Variants in CEBPZOS observed in about 807,000 individuals in gnomAD.
CEBPZOS encodes CEBPZ opposite strand, also known as protein CEBPZOS.
In CEBPZOS, 10 loss-of-function variants were observed where a neutral mutation model predicts 4.8. The ratio of observed to expected loss-of-function variants is 2.07; its 90% confidence interval spans 1.28 to 3.52. The LOEUF (loss-of-function observed/expected upper bound fraction) is 3.52. Ranked by LOEUF, CEBPZOS falls within the 30% of genes most tolerant of loss-of-function variation. CEBPZOS has a pLI of 0.00. For synonymous variants in CEBPZOS, 25 were observed against 14.2 expected, an observed-to-expected ratio of 1.77 and a Z score of -1.72; for missense variants, 98 against 43.6, an observed-to-expected ratio of 2.25 and a Z score of -3.51.
intron 4 of CEBPZOS, chr2:37,211,611 G>A: frequency 2.2e-6 from 1 of 455,110 alleles, no homozygotes; most frequent in Non-Finnish European, 3.8e-6. Context: ...GCTAGCTGCT[G>A]GTTAAAGTAA....
intron 2 of CEBPZOS, 135 bp from the exon 3 acceptor site, chr2:37,200,913 G>A (rs1458136031): frequency 1.7e-6 from 1 of 589,574 alleles, no homozygotes; most frequent in Non-Finnish European, 3.1e-6. Flanking sequence ...TGGATTACCA[G>A]AAAGACCTTC....
intron 4 of CEBPZOS, chr2:37,210,688 GCACC>G: frequency 4.1e-6 from 1 of 245,694 alleles, no homozygotes. Context: ...AGTGATGGGT[GCACC>G]AAAATCTCAG....
At chr2:37,209,434 A>G (rs914121276), downstream of CEBPZOS, 13 of 152,234 alleles carry the variant, frequency 8.5e-5, no homozygotes, top group Non-Finnish European at 1.6e-4. Flanking sequence ...TGGTACTTGT[A>G]CAAAAACAGG....
chr2:37,202,781 T>G lies in CEBPZOS; in HGVS notation c.*921T>G. The G allele has an allele frequency of 6.5e-7, 1 of 1,541,616 alleles. No homozygotes were observed. Among genetic ancestry groups the G allele is most frequent in the Non-Finnish European group, 8.8e-7 (1 of 1,142,340 alleles). ...CATCAATAAAAAAATTTAAGTTACT[T>G]ACTTGCATTATCTTTGTTAGCCATG... is the stretch of plus-strand genomic sequence containing the variant. On this transcript the variant is annotated 3_prime_UTR_variant, in exon 5 of 5. Coordinates refer to ENST00000402297, the MANE Select transcript of CEBPZOS (RefSeq NM_001322374.2).
chr2:37,213,143 C>T (rs1452967869), intron 4 of CEBPZOS, among the ~76,000 whole-genome samples: 2 of 152,066 alleles, frequency 1.3e-5, no homozygotes, highest in African/African-American at 4.8e-5. Context: ...TTGTTTAAGT[C>T]TATTAAGTTT....
At position 37,213,614 on chromosome 2, in the gene CEBPZOS, A is replaced by G. The variant is rs1677794718; in HGVS notation, c.*180A>G. 3 of 324,106 alleles carry G rather than the reference A, an allele frequency of 9.3e-6. No individual in the cohort carries two copies. In the South Asian group the frequency reaches 9.7e-5, roughly 10 times the overall value. 20.1% of individuals were successfully genotyped at this position (324,106 alleles called of 1,614,324 possible). On this transcript the variant is annotated 3_prime_UTR_variant, in exon 5 of 5. Transcript: ENST00000397064. ...TTTTTAGTAGAGACAGGGTTTCACC[A>G]TATTGGCCAGGCTGGTCTCGAACTC...
At chr2:37,212,642 G>T (rs1323710930) in intron 4 of CEBPZOS, 1 of 505,124 alleles carries the variant, frequency 2.0e-6, no homozygotes, top group Non-Finnish European at 3.5e-6. Flanking sequence ...TTCTTTTATG[G>T]AAAGAGGATA....
At chr2:37,215,787 G>T (rs767616597), downstream of CEBPZOS, among the ~76,000 whole-genome samples, 3 of 152,050 alleles carry the variant, frequency 2.0e-5, no homozygotes, top group Non-Finnish European at 4.4e-5. Flanking sequence ...GCTTTAAGAT[G>T]GTCTGAATTG....
intron 2 of CEBPZOS, 145 bp downstream of exon 2, chr2:37,199,964 A>G: frequency 1.7e-6 from 1 of 603,188 alleles, no homozygotes; most frequent in Non-Finnish European, 3.0e-6. Flanking sequence ...AACAGGAATC[A>G]AAGTATTCAT....
downstream of CEBPZOS, chr2:37,215,033 A>G (rs78057330): frequency 3.2e-3 from 2,790 of 860,516 alleles, 58 homozygotes; most frequent in African/African-American, 0.04. Context: ...AAAATACAGC[A>G]TAATCTGTAA....
At chr2:37,210,750 TC>T (rs747437835) in intron 4 of CEBPZOS, 1 of 378,788 alleles carries the variant, frequency 2.6e-6, no homozygotes, top group Non-Finnish European at 4.8e-6. Context: ...CCCTACCTGT[TC>T]CCCAAAAACA....
chr2:37,214,929 T>C (rs1677832115), downstream of CEBPZOS: 1 of 1,609,744 alleles, frequency 6.2e-7, no homozygotes, highest in Non-Finnish European at 8.5e-7. Context: ...CTTTCTTCTT[T>C]TGCAAGGAAC....
downstream of CEBPZOS, among the ~76,000 whole-genome samples, chr2:37,206,405 G>A (rs566941672): frequency 3.3e-5 from 5 of 152,318 alleles, no homozygotes; most frequent in South Asian, 6.2e-4. Context: ...TCGCCCAGGC[G>A]GGAAGGCAGT....
intron 1 of CEBPZOS, among the ~76,000 whole-genome samples, chr2:37,197,795 G>C (rs537520794): frequency 6.6e-6 from 1 of 152,336 alleles, no homozygotes; most frequent in East Asian, 1.9e-4. Context: ...GAACCCGGGA[G>C]ACGGAGGTTG....
intron 1 of CEBPZOS, among the ~76,000 whole-genome samples, chr2:37,198,040 C>G (rs1268338212): frequency 1.3e-5 from 2 of 149,756 alleles, no homozygotes; most frequent in Non-Finnish European, 3.0e-5. Flanking sequence ...GGAGTCCCAG[C>G]TCCCAGCTAC....
At chr2:37,206,800 G>C (rs962440679), downstream of CEBPZOS, among the ~76,000 whole-genome samples, 1 of 152,144 alleles carries the variant, frequency 6.6e-6, no homozygotes, top group African/African-American at 2.4e-5. Flanking sequence ...ATGATGAATA[G>C]AATAGTACCT....
chr2:37,196,508 G>A lies in CEBPZOS; in HGVS notation c.-14G>A, dbSNP rs200040793. 1 of 152,378 alleles carries A rather than the reference G, an allele frequency of 6.6e-6. No homozygotes were observed. Among genetic ancestry groups the A allele is most frequent in the East Asian group, 1.9e-4 (1 of 5,174 alleles). 9.4% of individuals were successfully genotyped at this position (152,378 alleles called of 1,614,324 possible). A position where few individuals can be genotyped will look rare whatever the true frequency, so the allele number is the denominator to read the frequency against. ...CCGTTGCGCATGCGCAGTCCCCCTT[G>A]AACGCACCTCAGGTAAGACTCTGGC... On this transcript the variant is annotated 5_prime_UTR_variant, in exon 1 of 5. Coordinates refer to ENST00000402297, the MANE Select transcript of CEBPZOS (RefSeq NM_001322374.2).
chr2:37,212,421 CA>C, intron 4 of CEBPZOS: 1 of 1,573,500 alleles, frequency 6.4e-7, no homozygotes, highest in African/African-American at 1.3e-5. Context: ...ATGTGAGATA[CA>C]ACAAAGAATG....
chr2:37,205,009 G>A (rs1677482816), downstream of CEBPZOS, among the ~76,000 whole-genome samples: 1 of 152,170 alleles, frequency 6.6e-6, no homozygotes, highest in Admixed American at 6.5e-5. Flanking sequence ...GAGAAAAACT[G>A]CCTATATCTC....
Sources: allele counts gnomAD v4.1 joint callset (sites outside exome capture counted in the v4.1 genomes callset), GRCh38; gene constraint gnomAD v4.1.1; transcripts MANE v1.5; gene names NCBI Gene and HGNC (gene_info 2026-07-23, HGNC 2026-07-21).